SAR1A: variants seen among roughly 807,000 people sequenced by gnomAD.
SAR1A encodes the protein secretion associated Ras related GTPase 1A.
Under a neutral mutation model 22.6 loss-of-function variants are expected in SAR1A, and 6 were observed. That is an observed-to-expected ratio of 0.27 (90% CI 0.15 to 0.52). The LOEUF (loss-of-function observed/expected upper bound fraction) is 0.52. Ranked by LOEUF, SAR1A falls within the 20% of genes least tolerant of loss-of-function variation. SAR1A has a pLI of 0.96. For missense variants in SAR1A, 145 were observed against 245.1 expected, an observed-to-expected ratio of 0.59 and a Z score of 2.73; for synonymous variants, 70 against 82.2, an observed-to-expected ratio of 0.85 and a Z score of 0.80.
At chr10:70,153,771 T>C (rs559701876) in intron 6 of SAR1A, 67 bp downstream of exon 6, 3 of 1,329,130 alleles carry the variant, frequency 2.3e-6, no homozygotes, top group Admixed American at 2.6e-5. Context: ...GTAATCTAGA[T>C]AGCGAAACAT....
At position 70,170,416 on chromosome 10, in the gene SAR1A, C is replaced by T. The variant is rs1306045102; in HGVS notation, c.-20G>A. 1.3e-5 allele frequency: 2 copies of T among 151,900 alleles called. No homozygotes were observed. Among genetic ancestry groups the T allele is most frequent in the Non-Finnish European group, 1.5e-5 (1 of 68,008 alleles). 9.4% of individuals were successfully genotyped at this position (151,900 alleles called of 1,614,324 possible). On this transcript the variant is annotated 5_prime_UTR_variant, in exon 1 of 7. Coordinates refer to ENST00000373241, the MANE Select transcript of SAR1A (RefSeq NM_020150.5). ...CCGACGCGACCCTCAGACTCACGGC[C>T]TGAGGGGCTCCTCCGGCAAAACAGC...
At position 70,170,436 on chromosome 10, in the gene SAR1A, A is replaced by T. The variant is rs1438600251; in HGVS notation, c.-40T>A. 1 of 151,838 alleles carries T rather than the reference A, an allele frequency of 6.6e-6. No individual in the cohort carries two copies. Among genetic ancestry groups the T allele is most frequent in the Non-Finnish European group, 1.5e-5 (1 of 67,998 alleles). 9.4% of individuals were successfully genotyped at this position (151,838 alleles called of 1,614,324 possible). A position where few individuals can be genotyped will look rare whatever the true frequency, so the allele number is the denominator to read the frequency against. On this transcript the variant is annotated 5_prime_UTR_variant, in exon 1 of 7. Coordinates refer to ENST00000373241, the MANE Select transcript of SAR1A (RefSeq NM_020150.5). ...ACGGCCTGAGGGGCTCCTCCGGCAA[A>T]ACAGCGGCTGGCTCGGACCCTCCCT...
intron 1 of SAR1A, chr10:70,163,911 A>G: frequency 6.2e-7 from 1 of 1,601,172 alleles, no homozygotes; most frequent in Non-Finnish European, 8.6e-7. Flanking sequence ...GGCAAGAAAA[A>G]TGAAAGACAC....
chr10:70,170,309 C>CA (rs1839609912), intron 1 of SAR1A, 104 bp downstream of exon 1: 1 of 119,558 alleles, frequency 8.4e-6, no homozygotes, highest in Non-Finnish European at 1.7e-5. Flanking sequence ...GTCACTTCCC[C>CA]CCCACCCAAC....
At chr10:70,156,912 G>A (rs1839395541) in intron 5 of SAR1A, among the ~76,000 whole-genome samples, 1 of 152,120 alleles carries the variant, frequency 6.6e-6, no homozygotes, top group South Asian at 2.1e-4. Context: ...GTTGACAAAG[G>A]AGAAAACTTG....
rs1477944397 is a variant in SAR1A at position 70,147,872 on chromosome 10, T to C, written c.*4604A>G. On this transcript the variant is annotated 3_prime_UTR_variant, in exon 7 of 7. Coordinates refer to ENST00000373241, the MANE Select transcript of SAR1A (RefSeq NM_020150.5). ...ACTGAATTGATAAAATACACATTAT[T>C]TTTTATTTATTTATTTATTTTTTTG... The C allele has an allele frequency of 6.6e-6, 1 of 152,204 alleles. No individual in the cohort carries two copies. Among genetic ancestry groups the C allele is most frequent in the Non-Finnish European group, 1.5e-5 (1 of 68,058 alleles). The allele number at this position is 152,204 out of a possible 1,614,324, so 9.4% of individuals were successfully genotyped here.
At chr10:70,154,181 C>T (rs1293604895) in intron 5 of SAR1A, among the ~76,000 whole-genome samples, 1 of 152,156 alleles carries the variant, frequency 6.6e-6, no homozygotes, top group African/African-American at 2.4e-5. Flanking sequence ...CTAAGTGCCT[C>T]GAAACAGTTG....
chr10:70,170,391 C>T (rs1564573256), intron 1 of SAR1A, 22 bp downstream of exon 1: 1 of 151,726 alleles, frequency 6.6e-6, no homozygotes, highest in Non-Finnish European at 1.5e-5. Flanking sequence ...ACTCCCCTCC[C>T]CGACGCGACC....
chr10:70,157,401 C>CAAAAAAAA (rs55801259), intron 5 of SAR1A, among the ~76,000 whole-genome samples: 1 of 131,260 alleles, frequency 7.6e-6, no homozygotes, highest in African/African-American at 3.0e-5. Context: ...AAGACTCCGT[C>CAAAAAAAA]AAAAAAAAAA....
rs1465932734 is a variant in SAR1A, at chr10:70,148,702, A to T, written c.*3774T>A. The T allele has an allele frequency of 6.6e-6, 1 of 152,242 alleles. No individual in the cohort carries two copies. The highest frequency in any genetic ancestry group is 1.5e-5 in the Non-Finnish European group (1 of 68,198). 9.4% of individuals were successfully genotyped at this position (152,242 alleles called of 1,614,324 possible). A position where few individuals can be genotyped will look rare whatever the true frequency, so the allele number is the denominator to read the frequency against. On this transcript the variant is annotated 3_prime_UTR_variant, in exon 7 of 7. Transcript: ENST00000373241. ...CTACTTGGGAGGCTGAGATGGGAGG[A>T]TCACTTAAGCCCAGGAGGTCAAGGC...
chr10:70,157,706 T>C (rs768282967), intron 5 of SAR1A, 58 bp downstream of exon 5: 3 of 1,294,620 alleles, frequency 2.3e-6, no homozygotes, highest in East Asian at 2.4e-5. Context: ...TAAAAAAAAA[T>C]AGAGGCCAAA....
At chr10:70,163,697 C>T (rs187827462) in intron 1 of SAR1A, 1 of 778,638 alleles carries the variant, frequency 1.3e-6, no homozygotes, top group South Asian at 1.4e-5. Flanking sequence ...GGCTGACCAA[C>T]TGACTGAGGA....
chr10:70,159,695 C>T (rs1839442552), intron 4 of SAR1A, among the ~76,000 whole-genome samples: 2 of 152,346 alleles, frequency 1.3e-5, no homozygotes, highest in South Asian at 4.1e-4. Context: ...GACTTCTCCA[C>T]TCAGTGTAAT....
At chr10:70,155,099 G>C (rs1396807950) in intron 5 of SAR1A, 1 of 528,252 alleles carries the variant, frequency 1.9e-6, no homozygotes, top group Admixed American at 2.0e-5. Context: ...TTAGGGGCCA[G>C]TGTGAGAAGT....
At chr10:70,155,079 A>G (rs567541094) in intron 5 of SAR1A, 1 of 526,570 alleles carries the variant, frequency 1.9e-6, no homozygotes, top group East Asian at 5.5e-5. Flanking sequence ...ATGAGAAGAG[A>G]TGACTCACAT....
At chr10:70,157,681 C>T (rs1047846796) in intron 5 of SAR1A, 83 bp downstream of exon 5, 46 of 915,844 alleles carry the variant, frequency 5.0e-5, no homozygotes, top group Non-Finnish European at 7.8e-5. Context: ...ATTGGCACTA[C>T]TGAGCTATAT....
rs1394567282 is a variant in SAR1A at position 70,148,923 on chromosome 10, G to C, written c.*3553C>G. The C allele has an allele frequency of 6.6e-6, 1 of 152,308 alleles. No individual in the cohort carries two copies. The highest frequency in any genetic ancestry group is 1.5e-5 in the Non-Finnish European group (1 of 68,132). The allele number at this position is 152,308 out of a possible 1,614,324, so 9.4% of individuals were successfully genotyped here. A position where few individuals can be genotyped will look rare whatever the true frequency, so the allele number is the denominator to read the frequency against. On this transcript the variant is annotated 3_prime_UTR_variant, in exon 7 of 7. Transcript: ENST00000373241. The stretch of plus-strand genomic sequence containing the variant: ...TTACAGCAGACCATGGTAAAAAGAA[G>C]TCCCAAGTCACAGCCAGAACGCCAA...
chr10:70,166,203 A>AT (rs1839548030), intron 1 of SAR1A, among the ~76,000 whole-genome samples: 1 of 152,222 alleles, frequency 6.6e-6, no homozygotes, highest in African/African-American at 2.4e-5. Flanking sequence ...TACTTGTTTT[A>AT]TTTCAGTAGT....
chr10:70,157,735 T>C, intron 5 of SAR1A, 29 bp downstream of exon 5: 1 of 1,537,698 alleles, frequency 6.5e-7, no homozygotes, highest in Non-Finnish European at 9.0e-7. Context: ...AAATATACAT[T>C]AAAATACACA....
Sources: allele counts gnomAD v4.1 joint callset (sites outside exome capture counted in the v4.1 genomes callset), GRCh38; gene constraint gnomAD v4.1.1; transcripts MANE v1.5; gene names NCBI Gene and HGNC (gene_info 2026-07-23, HGNC 2026-07-21).